The following FER1L6 variants were observed in gnomAD, a reference collection of about 807,000 sequenced individuals.
The protein encoded by FER1L6 is fer-1-like protein 6.
Under a neutral mutation model 219.2 loss-of-function variants are expected in FER1L6, and 177 were observed. That is an observed-to-expected ratio of 0.81 (90% CI 0.71 to 0.91). The LOEUF (loss-of-function observed/expected upper bound fraction) is 0.91, where lower values mean the gene tolerates loss of function less well. FER1L6 is among the 40% of genes least tolerant of loss of function. The pLI is 0.00. For missense variants in FER1L6, 2,153 were observed against 2,259.9 expected (o/e 0.95, Z 0.96); for synonymous variants, 768 against 824.3 (o/e 0.93, Z 1.17).
At chr8:123,949,394 T>C (rs1814648950) in intron 1 of FER1L6, among the ~76,000 whole-genome samples, 1 of 152,212 alleles carries the variant, frequency 6.6e-6, no homozygotes, top group Admixed American at 6.5e-5. Flanking sequence ...AGATCCTCTC[T>C]TAGTAAGTTT....
At chr8:123,941,940 A>G (rs541112976) in intron 1 of FER1L6, among the ~76,000 whole-genome samples, 1 of 152,212 alleles carries the variant, frequency 6.6e-6, no homozygotes, top group South Asian at 2.1e-4. Flanking sequence ...CCCCAGTGGT[A>G]ACATGTGAGG....
In FER1L6 at chr8:123,980,481, T is replaced by A; in HGVS notation, c.1080T>A (p.Phe360Leu). Residue 360 changes from phenylalanine to leucine, a missense_variant, in exon 11 of 41, where the codon TTT becomes TTA. Transcript: ENST00000522917. ...QDGDKGFLPT[F>L]GPAWINLYGS... Reference sequence around the variant, plus strand: ...TCTCTCTAGGCTTTCTGCCCACCTTTGGGCCTGCCTGGATTAACCTGTATG... The same window carrying A: ...TCTCTCTAGGCTTTCTGCCCACCTTAGGGCCTGCCTGGATTAACCTGTATG... The A allele has an allele frequency of 6.2e-7, 1 of 1,612,790 alleles. No homozygotes were observed. The highest frequency in any genetic ancestry group is 2.2e-5 in the East Asian group (1 of 44,864).
At chr8:123,894,444 G>A (rs546473263) in intron 1 of FER1L6, among the ~76,000 whole-genome samples, 17 of 152,250 alleles carry the variant, frequency 1.1e-4, no homozygotes, top group African/African-American at 3.4e-4. Flanking sequence ...TGAGCAGCAG[G>A]ACCTATACTG....
At position 124,061,933 on chromosome 8, in the gene FER1L6, G is replaced by GT; in HGVS notation, c.3230dup (p.Thr1079HisfsTer13). On this transcript the variant is annotated frameshift_variant, in exon 25 of 41. Coordinates refer to ENST00000522917, the MANE Select transcript of FER1L6 (RefSeq NM_001039112.2). LOFTEE classifies it high-confidence loss of function. ...GAGAGCTTTTGGGAGGAGTACCCTT[G>GT]TGGGCACCTACACCATCAACTACTT... The GT allele has an allele frequency of 6.2e-7, 1 of 1,614,176 alleles. No homozygotes were observed.
At chr8:124,036,937 G>C (rs1331716201) in intron 19 of FER1L6, among the ~76,000 whole-genome samples, 4 of 152,156 alleles carry the variant, frequency 2.6e-5, no homozygotes, top group Admixed American at 1.3e-4. Flanking sequence ...ATATATGTAA[G>C]GCATGGTGGA....
chr8:123,947,114 G>A (rs962165771), intron 1 of FER1L6, among the ~76,000 whole-genome samples: 109 of 151,902 alleles, frequency 7.2e-4, no homozygotes, highest in African/African-American at 2.5e-3. Flanking sequence ...TTGAAACCCC[G>A]TCTCTACTAA....
chr8:123,973,826 C>T (rs74553294), intron 7 of FER1L6, among the ~76,000 whole-genome samples: 1,823 of 152,208 alleles, frequency 0.012, 38 homozygotes, highest in African/African-American at 0.04. Flanking sequence ...GGGTTCGAAT[C>T]CCACTCTATG....
At position 124,064,373 on chromosome 8, in the gene FER1L6, G is replaced by T. The variant is rs371366839; in HGVS notation, c.3355G>T (p.Glu1119Ter). Residue 1119 changes from glutamate (E) to a stop codon, truncating the protein, a stop_gained, in exon 26 of 41, where the codon GAG becomes TAG. Coordinates refer to ENST00000522917, the MANE Select transcript of FER1L6 (RefSeq NM_001039112.2). LOFTEE classifies it high-confidence loss of function. ...HDISDSLTAT[E>*]SSGAHSSSQD... ...TATTTCAGATTCGCTAACAGCCACT[G>T]AGTCCTCTGGAGCCCACAGCTCCTC... 6.2e-7 allele frequency: 1 copy of T among 1,612,094 alleles called. No homozygotes were observed. The highest frequency in any genetic ancestry group is 8.5e-7 in the Non-Finnish European group (1 of 1,179,522).
chr8:123,950,002 G>A (rs1269211237), intron 1 of FER1L6, among the ~76,000 whole-genome samples: 1 of 152,174 alleles, frequency 6.6e-6, no homozygotes, highest in Non-Finnish European at 1.5e-5. Context: ...TGTAGTCTAT[G>A]TTTGGCTTAA....
At chr8:124,071,659 G>C (rs199833787) in intron 31 of FER1L6, 28 bp downstream of exon 31, 2 of 1,600,570 alleles carry the variant, frequency 1.2e-6, no homozygotes, top group African/African-American at 2.7e-5. Context: ...GCTCTGAGGG[G>C]GTGTATTTAT....
rs562959920 is a variant in FER1L6, at chr8:123,942,044, T to G, written c.-7-13948T>G. Among the ~76,000 whole-genome samples the G allele has an allele frequency of 3.3e-5, 5 of 152,282 alleles. No homozygotes were observed. In the East Asian group the frequency reaches 9.6e-4, roughly 29 times the overall value. On this transcript the variant is annotated intron_variant, in intron 1 of 40. Coordinates refer to ENST00000522917, the MANE Select transcript of FER1L6 (RefSeq NM_001039112.2). Reference sequence around the variant, plus strand: ...GGGAGGGATGCGCTAGGGAACCCACTCTGTCTGTGAACCCCTGAGCCCAGG... The same window carrying G: ...GGGAGGGATGCGCTAGGGAACCCACGCTGTCTGTGAACCCCTGAGCCCAGG...
At chr8:123,969,099 C>T (rs1343048500) in intron 5 of FER1L6, among the ~76,000 whole-genome samples, 14 of 152,118 alleles carry the variant, frequency 9.2e-5, no homozygotes, top group African/African-American at 7.2e-5. Flanking sequence ...ACTTGATCCC[C>T]TTGTGTGATA....
intron 1 of FER1L6, among the ~76,000 whole-genome samples, chr8:123,866,874 C>T (rs1293058791): frequency 3.3e-5 from 5 of 152,176 alleles, no homozygotes; most frequent in African/African-American, 1.2e-4. Flanking sequence ...TGGCCTCAGC[C>T]TCCCAAAGTA....
intron 1 of FER1L6, among the ~76,000 whole-genome samples, chr8:123,883,554 T>C (rs1219663469): frequency 6.6e-6 from 1 of 152,212 alleles, no homozygotes. Context: ...TAGATTCAGG[T>C]TGACGTCTGT....
At chr8:123,993,462 G>A (rs933274358) in intron 12 of FER1L6, among the ~76,000 whole-genome samples, 67 of 136,400 alleles carry the variant, frequency 4.9e-4, no homozygotes, top group Non-Finnish European at 6.2e-4. Context: ...AAAAAAAAAG[G>A]AAGAATGTAT....
At chr8:123,880,015 T>G (rs1586436572) in intron 1 of FER1L6, among the ~76,000 whole-genome samples, 1 of 152,140 alleles carries the variant, frequency 6.6e-6, no homozygotes, top group African/African-American at 2.4e-5. Context: ...TGGAGGTAAT[T>G]TAAGAGAATT....
At chr8:124,006,578 A>G (rs778601016) in intron 13 of FER1L6, among the ~76,000 whole-genome samples, 18 of 152,286 alleles carry the variant, frequency 1.2e-4, no homozygotes, top group Admixed American at 2.6e-4. Flanking sequence ...GTCACCTTGG[A>G]TTTGTTCTGG....
chr8:124,077,624 C>T (rs139144937), intron 32 of FER1L6, among the ~76,000 whole-genome samples: 15 of 152,282 alleles, frequency 9.9e-5, no homozygotes, highest in African/African-American at 1.2e-4. Flanking sequence ...GTGTGACAAC[C>T]GCTTGGCAGG....
chr8:123,975,799 A>G, intron 8 of FER1L6, 99 bp from the exon 9 acceptor site: 1 of 939,650 alleles, frequency 1.1e-6, no homozygotes, highest in Non-Finnish European at 1.6e-6. Flanking sequence ...GATTTGTCTT[A>G]TATTGGGATC....
Sources: allele counts gnomAD v4.1 joint callset (sites outside exome capture counted in the v4.1 genomes callset), GRCh38; gene constraint gnomAD v4.1.1; transcripts MANE v1.5; gene names NCBI Gene and HGNC (gene_info 2026-07-23, HGNC 2026-07-21).